UNC13C: variants seen among roughly 807,000 people sequenced by gnomAD.
UNC13C encodes the protein unc-13 homolog C.
A neutral mutation model predicts 245.4 loss-of-function variants in UNC13C; 174 were observed. The observed-to-expected ratio is 0.71, with a 90% CI of 0.63 to 0.80. UNC13C has a LOEUF of 0.80. Ranked by LOEUF, UNC13C falls within the 30% of genes least tolerant of loss-of-function variation. UNC13C has a pLI of 0.00. For synonymous variants in UNC13C, 992 were observed against 895.1 expected (o/e 1.11, Z -1.93); for missense variants, 2,829 against 2,602.9 (o/e 1.09, Z -1.89).
At chr15:54,183,268 A>G (rs2141306980) in intron 4 of UNC13C, among the ~76,000 whole-genome samples, 1 of 151,768 alleles carries the variant, frequency 6.6e-6, no homozygotes, top group African/African-American at 2.4e-5. Flanking sequence ...AACATTAAAT[A>G]AATAAATGGT....
At chr15:54,293,409 A>T (rs773493117) in intron 10 of UNC13C, among the ~76,000 whole-genome samples, 2 of 152,156 alleles carry the variant, frequency 1.3e-5, no homozygotes, top group Middle Eastern at 3.4e-3. Context: ...ACTTGATTTA[A>T]TAATATCTTA....
intron 2 of UNC13C, among the ~76,000 whole-genome samples, chr15:54,082,152 T>C (rs1475476547): frequency 1.3e-5 from 2 of 152,214 alleles, no homozygotes; most frequent in Non-Finnish European, 2.9e-5. Flanking sequence ...GTTAGCCTAA[T>C]GGGATTTCCT....
intron 30 of UNC13C, among the ~76,000 whole-genome samples, chr15:54,606,380 T>G (rs1167678598): frequency 1.3e-5 from 2 of 152,212 alleles, no homozygotes; most frequent in East Asian, 3.9e-4. Flanking sequence ...ATGCATGTGT[T>G]CCATATTTAA....
At chr15:54,024,329 A>G (rs1896016440) in intron 2 of UNC13C, among the ~76,000 whole-genome samples, 1 of 152,220 alleles carries the variant, frequency 6.6e-6, no homozygotes, top group African/African-American at 2.4e-5. Flanking sequence ...GAGGTACTAG[A>G]GAGGTTATCA....
intron 1 of UNC13C, among the ~76,000 whole-genome samples, chr15:54,003,235 T>A (rs375061872): frequency 1.4e-4 from 21 of 152,192 alleles, no homozygotes; most frequent in African/African-American, 5.1e-4. Flanking sequence ...AGGATAAAAA[T>A]CAAAACAAAA....
chr15:54,513,288 C>A (rs1232987164), intron 24 of UNC13C, among the ~76,000 whole-genome samples: 9 of 152,082 alleles, frequency 5.9e-5, no homozygotes, highest in Non-Finnish European at 1.0e-4. Context: ...AATTTTAAAG[C>A]CCACAAATCA....
chr15:54,284,843 T>C (rs2037099975), intron 10 of UNC13C, among the ~76,000 whole-genome samples: 1 of 152,142 alleles, frequency 6.6e-6, no homozygotes, highest in African/African-American at 2.4e-5. Context: ...CTGTTATTAT[T>C]CAACTGTTTT....
chr15:54,406,938 A>G (rs928973943), intron 18 of UNC13C, among the ~76,000 whole-genome samples: 3 of 152,182 alleles, frequency 2.0e-5, no homozygotes, highest in African/African-American at 7.2e-5. Context: ...TGATCAGAAG[A>G]TATATAGAAT....
chr15:53,890,057 G>A, the UNC13C span, among the ~76,000 whole-genome samples: 1 of 151,786 alleles, frequency 6.6e-6, no homozygotes, highest in African/African-American at 2.4e-5. Context: ...TCAGGATGAT[G>A]CTGACTTCAT....
the UNC13C span, among the ~76,000 whole-genome samples, chr15:53,892,279 C>A: frequency 6.6e-6 from 1 of 152,172 alleles, no homozygotes; most frequent in Non-Finnish European, 1.5e-5. Context: ...TTGTGGGTAA[C>A]CCAACCTTTT....
At chr15:54,181,302 T>C (rs979455531) in intron 4 of UNC13C, among the ~76,000 whole-genome samples, 4 of 152,132 alleles carry the variant, frequency 2.6e-5, no homozygotes, top group African/African-American at 9.6e-5. Context: ...GAAGATCAGA[T>C]GGCTGAAGAT....
At chr15:54,359,404 C>A (rs1335506955) in intron 17 of UNC13C, among the ~76,000 whole-genome samples, 2 of 151,780 alleles carry the variant, frequency 1.3e-5, no homozygotes, top group Non-Finnish European at 2.9e-5. Context: ...AATATGTGTT[C>A]TTCCTTAAAT....
At chr15:54,274,255 G>C (rs1013173262) in intron 10 of UNC13C, among the ~76,000 whole-genome samples, 1 of 152,280 alleles carries the variant, frequency 6.6e-6, no homozygotes, top group Admixed American at 6.5e-5. Flanking sequence ...ATATTTGAAA[G>C]CTGGGCAAAA....
At chr15:54,124,037 T>G (rs907647904) in intron 2 of UNC13C, among the ~76,000 whole-genome samples, 2 of 152,208 alleles carry the variant, frequency 1.3e-5, no homozygotes, top group Admixed American at 6.5e-5. Flanking sequence ...AGTTCATTTA[T>G]TTTTACTGCT....
chr15:54,209,652 A>T (rs969427461), intron 4 of UNC13C, among the ~76,000 whole-genome samples: 1 of 152,050 alleles, frequency 6.6e-6, no homozygotes, highest in Non-Finnish European at 1.5e-5. Flanking sequence ...GGGCTCAAAC[A>T]GTCGGCCCAC....
chr15:54,493,523 T>C (rs1214940783), intron 19 of UNC13C, among the ~76,000 whole-genome samples: 1 of 152,146 alleles, frequency 6.6e-6, no homozygotes, highest in African/African-American at 2.4e-5. Context: ...TTAGTCCCTC[T>C]ATATTCCGGT....
chr15:53,898,315 T>C, the UNC13C span, among the ~76,000 whole-genome samples: 1 of 152,192 alleles, frequency 6.6e-6, no homozygotes, highest in East Asian at 1.9e-4. Context: ...AGTGAAACTA[T>C]TTGAAATGAT....
At chr15:54,414,230 T>A (rs1454520325) in intron 18 of UNC13C, among the ~76,000 whole-genome samples, 3 of 152,134 alleles carry the variant, frequency 2.0e-5, no homozygotes, top group Non-Finnish European at 4.4e-5. Flanking sequence ...ATAGAAAAAA[T>A]AGAAGTACTT....
chr15:54,503,068 G>GA (rs1894299689), intron 22 of UNC13C, among the ~76,000 whole-genome samples: 1 of 152,060 alleles, frequency 6.6e-6, no homozygotes, highest in African/African-American at 2.4e-5. Context: ...TACATTCTCT[G>GA]AAGCAAGAAG....
Sources: allele counts gnomAD v4.1 joint callset (sites outside exome capture counted in the v4.1 genomes callset), GRCh38; gene constraint gnomAD v4.1.1; transcripts MANE v1.5; gene names NCBI Gene and HGNC (gene_info 2026-07-23, HGNC 2026-07-21).